The following TNKS variants were observed in gnomAD, a reference collection of about 807,000 sequenced individuals.
TNKS encodes poly [ADP-ribose] polymerase tankyrase-1.
A neutral mutation model predicts 135.8 loss-of-function variants in TNKS; 72 were observed. The ratio of observed to expected loss-of-function variants is 0.53; its 90% CI spans 0.44 to 0.64. TNKS has a LOEUF of 0.64. Ranked by LOEUF, TNKS falls within the 30% of genes least tolerant of loss-of-function variation. The probability of loss-of-function intolerance (pLI) is 0.00; values close to 1 mark genes in which losing one functional copy is unlikely to be tolerated. For missense variants in TNKS, 1,769 were observed against 1,674.0 expected (o/e 1.06, Z -0.99); for synonymous variants, 849 against 649.3 (o/e 1.31, Z -4.68).
intron 5 of TNKS, among the ~76,000 whole-genome samples, chr8:9,687,071 C>G (rs1803037671): frequency 6.6e-6 from 1 of 152,132 alleles, no homozygotes; most frequent in Non-Finnish European, 1.5e-5. Context: ...ATGTAGAGCC[C>G]TTTTCCCCTT....
intron 3 of TNKS, among the ~76,000 whole-genome samples, chr8:9,660,557 C>T (rs562234063): frequency 1.3e-5 from 2 of 152,282 alleles, no homozygotes; most frequent in African/African-American, 2.4e-5. Context: ...TAAAAACTCT[C>T]ATTAAATTAG....
intron 2 of TNKS, among the ~76,000 whole-genome samples, chr8:9,599,627 A>T (rs1359595165): frequency 3.3e-5 from 5 of 152,182 alleles, no homozygotes; most frequent in Non-Finnish European, 7.4e-5. Context: ...ATCTTGTAAT[A>T]AATTGTTATG....
chr8:9,599,084 C>T (rs1404019090), intron 2 of TNKS, among the ~76,000 whole-genome samples: 1 of 151,796 alleles, frequency 6.6e-6, no homozygotes, highest in East Asian at 1.9e-4. Context: ...GAGATACTTG[C>T]TTTATTCCTT....
intron 1 of TNKS, chr8:9,575,150 G>A (rs960455971): frequency 1.2e-5 from 10 of 840,954 alleles, no homozygotes; most frequent in African/African-American, 9.2e-5. Flanking sequence ...ATAGGGGCGC[G>A]ATCTCGGCTC....
At chr8:9,702,539 A>C (rs950621550) in intron 5 of TNKS, among the ~76,000 whole-genome samples, 3 of 152,210 alleles carry the variant, frequency 2.0e-5, no homozygotes, top group Non-Finnish European at 4.4e-5. Context: ...GGAAGGAAAA[A>C]AGTTAACTAA....
chr8:9,767,137 G>C (rs1304288540), intron 25 of TNKS, among the ~76,000 whole-genome samples: 1 of 152,170 alleles, frequency 6.6e-6, no homozygotes, highest in African/African-American at 2.4e-5. Flanking sequence ...ATTTACTTCT[G>C]ATGTTGCTGG....
At chr8:9,705,088 C>G (rs1585351643) in intron 6 of TNKS, among the ~76,000 whole-genome samples, 1 of 152,218 alleles carries the variant, frequency 6.6e-6, no homozygotes, top group South Asian at 2.1e-4. Context: ...AGTAGCATAG[C>G]TATCAGATTC....
At position 9,594,368 on chromosome 8, in the gene TNKS, A is replaced by G. The variant is rs548220173; in HGVS notation, c.898+13985A>G. On this transcript the variant is annotated intron_variant, in intron 2 of 26. Coordinates refer to ENST00000310430, the MANE Select transcript of TNKS (RefSeq NM_003747.3). Reference sequence around the variant, plus strand: ...CATGGTCCAGTGTGATAGCCATTAAATTAAAATCAATTACAGTTTTAAAAA... The same window carrying G: ...CATGGTCCAGTGTGATAGCCATTAAGTTAAAATCAATTACAGTTTTAAAAA... 3.3e-5 allele frequency among the ~76,000 whole-genome samples: 5 copies of G among 152,316 alleles called. No homozygotes were observed. In the East Asian group the frequency reaches 9.6e-4, roughly 29 times the overall value.
intron 3 of TNKS, among the ~76,000 whole-genome samples, chr8:9,653,039 G>A (rs1269049002): frequency 6.6e-6 from 1 of 152,156 alleles, no homozygotes; most frequent in East Asian, 1.9e-4. Flanking sequence ...CGTTGCTAGA[G>A]GGTTTCATGC....
At chr8:9,725,872 A>G (rs1805135786) in intron 12 of TNKS, among the ~76,000 whole-genome samples, 1 of 152,258 alleles carries the variant, frequency 6.6e-6, no homozygotes, top group Non-Finnish European at 1.5e-5. Context: ...ATTAATCAAA[A>G]TAATAACTCA....
rs1369124555 is a variant in TNKS, at chr8:9,780,483, CAG to C, written c.*3749_*3750del. 6.6e-6 allele frequency: 1 copy of C among 152,124 alleles called. No homozygotes were observed. The highest frequency in any genetic ancestry group is 1.5e-5 in the Non-Finnish European group (1 of 68,020). The allele number at this position is 152,124 out of a possible 1,614,324, so 9.4% of individuals were successfully genotyped here. On this transcript the variant is annotated 3_prime_UTR_variant, in exon 27 of 27. Coordinates refer to ENST00000310430, the MANE Select transcript of TNKS (RefSeq NM_003747.3). Reference sequence around the variant, plus strand: ...AATTTGTTTAATGTCAGATCAGTGACAGAAGTGAAAAGAAAGTAATTGTGAAA... The same window carrying C: ...AATTTGTTTAATGTCAGATCAGTGACAAGTGAAAAGAAAGTAATTGTGAAA...
intron 2 of TNKS, among the ~76,000 whole-genome samples, chr8:9,611,941 A>G (rs1383823173): frequency 6.6e-6 from 1 of 152,126 alleles, no homozygotes; most frequent in African/African-American, 2.4e-5. Context: ...TTTGATTCAG[A>G]GGGTGGGAGA....
intron 3 of TNKS, among the ~76,000 whole-genome samples, chr8:9,635,432 G>C (rs1800473601): frequency 6.6e-6 from 1 of 152,154 alleles, no homozygotes; most frequent in Non-Finnish European, 1.5e-5. Context: ...TGTTGGAATT[G>C]GAAAATCACC....
rs964969827 is a variant in TNKS at position 9,634,059 on chromosome 8, GAAAA to G, written c.994+18387_994+18390del. 2.1e-5 allele frequency among the ~76,000 whole-genome samples: 3 copies of G among 142,218 alleles called. No individual in the cohort carries two copies. The South Asian group carries it at 6.7e-4, about 32-fold the overall frequency. The allele number at this position is 142,218 out of a possible 152,430, so 93.3% of individuals were successfully genotyped here. A position where few individuals can be genotyped will look rare whatever the true frequency, so the allele number is the denominator to read the frequency against. On this transcript the variant is annotated intron_variant, in intron 3 of 26. Coordinates refer to ENST00000310430, the MANE Select transcript of TNKS (RefSeq NM_003747.3). ...TTACTAATACACTATAGGAATTAAG[GAAAA>G]AAAACTCATTTAACTGCATATATAT...
intron 3 of TNKS, among the ~76,000 whole-genome samples, chr8:9,634,664 C>T (rs968843690): frequency 7.9e-5 from 12 of 152,130 alleles, no homozygotes; most frequent in African/African-American, 2.2e-4. Flanking sequence ...AAGTTGTAGG[C>T]ATCAGAATCA....
chr8:9,661,388 A>C (rs984833573), intron 3 of TNKS, among the ~76,000 whole-genome samples: 1 of 152,240 alleles, frequency 6.6e-6, no homozygotes, highest in African/African-American at 2.4e-5. Context: ...AAACAGAGAT[A>C]GAGACCAATG....
Position 9,779,804 on chromosome 8 carries a change from G to A in TNKS, c.*3068G>A, listed in dbSNP as rs930410440. Reference sequence around the variant, plus strand: ...ATGACAGCATGGAACCCAGAGTTTTGATTCGATGCAAAATAACAGCAGTGC... The same window carrying A: ...ATGACAGCATGGAACCCAGAGTTTTAATTCGATGCAAAATAACAGCAGTGC... On this transcript the variant is annotated 3_prime_UTR_variant, in exon 27 of 27. Coordinates refer to ENST00000310430, the MANE Select transcript of TNKS (RefSeq NM_003747.3). The A allele has an allele frequency of 1.3e-5, 2 of 152,180 alleles. No individual in the cohort carries two copies. The highest frequency in any genetic ancestry group is 2.9e-5 in the Non-Finnish European group (2 of 68,028). 9.4% of individuals were successfully genotyped at this position (152,180 alleles called of 1,614,324 possible).
At chr8:9,744,207 T>C (rs984152547) in intron 17 of TNKS, among the ~76,000 whole-genome samples, 73 of 152,312 alleles carry the variant, frequency 4.8e-4, no homozygotes, top group African/African-American at 1.6e-3. Flanking sequence ...TATATAATAA[T>C]GCCTTGTGTT....
chr8:9,661,447 G>A (rs1801704994), intron 3 of TNKS, among the ~76,000 whole-genome samples: 1 of 152,042 alleles, frequency 6.6e-6, no homozygotes, highest in Non-Finnish European at 1.5e-5. Context: ...ACAACTATCT[G>A]ATTTTTGACA....
Sources: allele counts gnomAD v4.1 joint callset (sites outside exome capture counted in the v4.1 genomes callset), GRCh38; gene constraint gnomAD v4.1.1; transcripts MANE v1.5; gene names NCBI Gene and HGNC (gene_info 2026-07-23, HGNC 2026-07-21).